Variants in BRD7 observed in about 807,000 individuals in gnomAD.
The protein encoded by BRD7 is bromodomain containing 7.
Under a neutral mutation model 82.1 loss-of-function variants are expected in BRD7, and 15 were observed. The observed-to-expected ratio is 0.18, with a 90% CI of 0.12 to 0.28. The LOEUF is 0.28. Among genes scored for constraint, BRD7 ranks in the 10% least tolerant of loss-of-function variants. The pLI is 1.00. For missense variants in BRD7, 638 were observed against 779.9 expected (o/e 0.82, Z 2.17); for synonymous variants, 232 against 266.9 (o/e 0.87, Z 1.27).
chr16:50,321,998 G>C lies in BRD7; in HGVS notation c.1484C>G (p.Thr495Arg), dbSNP rs753971768. The C allele has an allele frequency of 5.0e-6, 8 of 1,610,676 alleles. No individual in the cohort carries two copies. Among genetic ancestry groups the C allele is most frequent in the Non-Finnish European group, 6.8e-6 (8 of 1,179,138 alleles). ...TAAAATCACCTCCATTTCTTTTGCT[G>C]TGTCAAGTGTCCTAGTATGGCCTTC... ...EDEGHTRTLD[T>R]AKEMEITEVE... Residue 495 changes from threonine to arginine, a missense_variant, in exon 13 of 17, where the codon ACA (threonine) becomes AGA (arginine). Physicochemically the swap from Thr to Arg is moderately conservative, Grantham distance 71. Around this residue, in one of 3 missense-constraint regions of BRD7, gnomAD observed 402 missense variants for 500.8 expected, o/e 0.80. Coordinates refer to ENST00000394688, the MANE Select transcript of BRD7 (RefSeq NM_013263.5).
chr16:50,358,312 C>T (rs1000350988), intron 2 of BRD7, among the ~76,000 whole-genome samples: 12 of 30,786 alleles, frequency 3.9e-4, no homozygotes, highest in African/African-American at 1.3e-3. Context: ...ATCACTTGAG[C>T]TCAGGAGTTC....
At chr16:50,335,983 T>A (rs1284341940) in intron 6 of BRD7, among the ~76,000 whole-genome samples, 1 of 152,232 alleles carries the variant, frequency 6.6e-6, no homozygotes, top group Non-Finnish European at 1.5e-5. Flanking sequence ...CCTCCTAATG[T>A]CTCATCCAGA....
intron 9 of BRD7, among the ~76,000 whole-genome samples, chr16:50,328,012 A>AAT (rs10635672): frequency 0.99 from 150,752 of 152,368 alleles, 74,596 homozygotes; most frequent in Middle Eastern, 1. Context: ...TATGAAAATA[A>AAT]ATTTGTTGAA....
Position 50,368,803 on chromosome 16 carries a change from C to G in BRD7, c.-29G>C. On this transcript the variant is annotated 5_prime_UTR_variant, in exon 1 of 17. Transcript: ENST00000394688. ...CGACCGGGCCCCGGTGCCCGCCCCCCGCGCCAGGCCCAGGCCGTGCGGCGC... is the reference window on the plus strand; with the variant it reads ...CGACCGGGCCCCGGTGCCCGCCCCCGGCGCCAGGCCCAGGCCGTGCGGCGC... The G allele has an allele frequency of 6.6e-7, 1 of 1,512,348 alleles. No homozygotes were observed. The highest frequency in any genetic ancestry group is 8.9e-7 in the Non-Finnish European group (1 of 1,128,198). 93.7% of individuals were successfully genotyped at this position (1,512,348 alleles called of 1,614,324 possible).
intron 8 of BRD7, among the ~76,000 whole-genome samples, chr16:50,331,071 A>T (rs994884475): frequency 1.3e-5 from 2 of 152,208 alleles, no homozygotes; most frequent in African/African-American, 4.8e-5. Context: ...ATGCAATCCT[A>T]TTCACAACAG....
Position 50,352,220 on chromosome 16 carries a change from A to C in BRD7, c.447-2053T>G, listed in dbSNP as rs566219850. On this transcript the variant is annotated intron_variant, in intron 4 of 16. Coordinates refer to ENST00000394688, the MANE Select transcript of BRD7 (RefSeq NM_013263.5). ...ATGGGTAATGTGCTGATGTTGTAAC[A>C]AAGTTTGAGGGCGGTATATCTCACA... Among the ~76,000 whole-genome samples, 3 of 152,334 alleles carry C rather than the reference A, an allele frequency of 2.0e-5. No homozygotes were observed. In the East Asian group the frequency reaches 5.8e-4, roughly 29 times the overall value.
At chr16:50,365,162 C>T (rs918676842) in intron 2 of BRD7, among the ~76,000 whole-genome samples, 4 of 139,038 alleles carry the variant, frequency 2.9e-5, no homozygotes, top group Middle Eastern at 3.7e-3. Flanking sequence ...AATCTCGAGA[C>T]GAGCCAAAAT....
chr16:50,366,842 G>A (rs979428247), intron 2 of BRD7, among the ~76,000 whole-genome samples: 53 of 152,112 alleles, frequency 3.5e-4, no homozygotes, highest in African/African-American at 1.3e-3. Context: ...CCTCTGAAGA[G>A]GGAGTCTATG....
At chr16:50,341,362 T>G (rs1333737882) in intron 5 of BRD7, among the ~76,000 whole-genome samples, 3 of 152,108 alleles carry the variant, frequency 2.0e-5, no homozygotes, top group Non-Finnish European at 4.4e-5. Context: ...ATTACTAGGC[T>G]GGGCATAGTG....
intron 2 of BRD7, among the ~76,000 whole-genome samples, chr16:50,364,140 T>C (rs2039048022): frequency 6.6e-6 from 1 of 152,148 alleles, no homozygotes; most frequent in African/African-American, 2.4e-5. Flanking sequence ...AGGTTCTGGT[T>C]AGTAAAACAT....
Position 50,328,680 on chromosome 16 carries a change from G to A in BRD7, c.1076C>T (p.Pro359Leu). 6.2e-7 allele frequency: 1 copy of A among 1,613,594 alleles called. No homozygotes were observed. Among genetic ancestry groups the A allele is most frequent in the South Asian group, 1.1e-5 (1 of 91,002 alleles). ...TACTCTGATCCTACCTCCTACAATG[G>A]GATCCACAGGATGGAGAAGTCCCAA... ...TTLGLLHPVD[P>L]IVGEPGYCPV... The change falls in exon 9 of 17, where the codon CCC becomes CTC. Residue 359 changes from proline (P) to leucine (L), a missense_variant. Transcript: ENST00000394688.
intron 13 of BRD7, 59 bp from the exon 14 acceptor site, chr16:50,320,833 C>CTAGAAATT: frequency 8.7e-7 from 1 of 1,142,866 alleles, no homozygotes; most frequent in Non-Finnish European, 1.3e-6. Context: ...GCAGTGTTAA[C>CTAGAAATT]TAGAAATTAC....
intron 2 of BRD7, among the ~76,000 whole-genome samples, chr16:50,360,109 A>T (rs1567289246): frequency 6.6e-6 from 1 of 152,172 alleles, no homozygotes; most frequent in Non-Finnish European, 1.5e-5. Context: ...CACATTATTC[A>T]CTCAACAAAT....
At position 50,317,666 on chromosome 16, in the gene BRD7, G is replaced by GAATA. The variant is rs1304655845; in HGVS notation, c.*1541_*1544dup. The GAATA allele has an allele frequency of 3.3e-5, 5 of 152,272 alleles. No homozygotes were observed. Among genetic ancestry groups the GAATA allele is most frequent in the African/African-American group, 9.7e-5 (4 of 41,420 alleles). 9.4% of individuals were successfully genotyped at this position (152,272 alleles called of 1,614,324 possible). A position where few individuals can be genotyped will look rare whatever the true frequency, so the allele number is the denominator to read the frequency against. ...TTTAGTTTTCAGTGTTCAGGTTATA[G>GAATA]AATATAACTGACCATAAAAATTACC... On this transcript the variant is annotated 3_prime_UTR_variant, in exon 17 of 17. Coordinates refer to ENST00000394688, the MANE Select transcript of BRD7 (RefSeq NM_013263.5).
In BRD7 at chr16:50,347,064, G is replaced by C. The variant is rs182196604; in HGVS notation, c.591+2959C>G. ...GCACATCAAAAAGCTTATCCACCACGATCAAGTTGGCTTCATCCCTGGGAG... is the reference window on the plus strand; with the variant it reads ...GCACATCAAAAAGCTTATCCACCACCATCAAGTTGGCTTCATCCCTGGGAG... On this transcript the variant is annotated intron_variant, in intron 5 of 16. Coordinates refer to ENST00000394688, the MANE Select transcript of BRD7 (RefSeq NM_013263.5). Among the ~76,000 whole-genome samples, 32 of 152,276 alleles carry C rather than the reference G, an allele frequency of 2.1e-4. No homozygotes were observed. In the East Asian group the frequency reaches 5.8e-3, roughly 28 times the overall value.
intron 9 of BRD7, among the ~76,000 whole-genome samples, chr16:50,327,216 T>C (rs960587068): frequency 3.3e-5 from 5 of 152,292 alleles, no homozygotes; most frequent in Non-Finnish European, 7.4e-5. Context: ...ACCATGAAAG[T>C]GGCCTACAGA....
At chr16:50,356,949 GGC>G (rs1259938415) in intron 2 of BRD7, among the ~76,000 whole-genome samples, 1 of 152,060 alleles carries the variant, frequency 6.6e-6, no homozygotes, top group Non-Finnish European at 1.5e-5. Flanking sequence ...CTATTTTCTT[GGC>G]CTATGCCCTA....
rs1037793509 is a variant in BRD7 at position 50,316,761 on chromosome 16, G to C, written c.*2450C>G. On this transcript the variant is annotated 3_prime_UTR_variant, in exon 17 of 17. Transcript: ENST00000394688. ...CAACCTAACTGTAACAACAGGGTGA[G>C]AAATGACCAAACTGCCCGTGACTTT... The C allele has an allele frequency of 6.6e-6, 1 of 152,368 alleles. No individual in the cohort carries two copies. The highest frequency in any genetic ancestry group is 2.4e-5 in the African/African-American group (1 of 41,450). 9.4% of individuals were successfully genotyped at this position (152,368 alleles called of 1,614,324 possible). A position where few individuals can be genotyped will look rare whatever the true frequency, so the allele number is the denominator to read the frequency against.
intron 2 of BRD7, among the ~76,000 whole-genome samples, chr16:50,361,581 C>T (rs73581697): frequency 0.15 from 22,438 of 152,204 alleles, 2,106 homozygotes; most frequent in Non-Finnish European, 0.21. Context: ...GGTCTCCTTA[C>T]AGTTTCCACT....
Sources: gnomAD v4.1 joint callset for allele counts (sites outside exome capture counted in the v4.1 genomes callset) on GRCh38, gnomAD v4.1.1 for gene constraint, gnomAD v4.1.1 regional missense constraint, MANE v1.5 for transcripts, NCBI Gene and HGNC (gene_info 2026-07-23, HGNC 2026-07-21) for gene names.